Variants in ADSS1 observed in about 807,000 individuals in gnomAD.
The protein encoded by ADSS1 is adenylosuccinate synthase 1.
ADSS1 carries 57 observed loss-of-function variants against 59.1 expected under a neutral mutation model. The ratio of observed to expected loss-of-function variants is 0.97; its 90% confidence interval spans 0.78 to 1.20. The LOEUF (loss-of-function observed/expected upper bound fraction) is 1.20. ADSS1 is among the 50% of genes most tolerant of loss of function. The probability of loss-of-function intolerance (pLI) is 0.00; values close to 1 mark genes in which losing one functional copy is unlikely to be tolerated. For synonymous variants in ADSS1, 247 were observed against 249.4 expected (o/e 0.99, Z 0.09); for missense variants, 603 against 610.3 (o/e 0.99, Z 0.13).
intron 1 of ADSS1, among the ~76,000 whole-genome samples, chr14:104,728,458 C>G (rs1890783408): frequency 6.6e-6 from 1 of 152,176 alleles, no homozygotes; most frequent in Non-Finnish European, 1.5e-5. Flanking sequence ...CCTCACCCCA[C>G]TACCAAAAGG....
At chr14:104,742,923 G>A in intron 9 of ADSS1, 144 bp from the exon 10 acceptor site, 2 of 1,233,210 alleles carry the variant, frequency 1.6e-6, no homozygotes, top group Non-Finnish European at 2.3e-6. Context: ...GGATGTCCGG[G>A]AGCTGGATGT....
At chr14:104,729,042 G>T (rs1028172601) in intron 1 of ADSS1, among the ~76,000 whole-genome samples, 2 of 152,176 alleles carry the variant, frequency 1.3e-5, no homozygotes, top group African/African-American at 4.8e-5. Context: ...GAGCATGGGA[G>T]GTAGCGAGCC....
Position 104,740,894 on chromosome 14 carries a change from A to C in ADSS1, c.640A>C (p.Ile214Leu). 1 of 1,613,940 alleles carries C rather than the reference A, an allele frequency of 6.2e-7. No individual in the cohort carries two copies. Among genetic ancestry groups the C allele is most frequent in the Non-Finnish European group, 8.5e-7 (1 of 1,180,010 alleles). Residue 214 changes from isoleucine to leucine, a missense_variant, in exon 7 of 13, where the codon ATT (isoleucine) becomes CTT (leucine). Ile to Leu is a conservative substitution (Grantham distance 5, BLOSUM62 2). Coordinates refer to ENST00000330877, the MANE Select transcript of ADSS1 (RefSeq NM_152328.5). This position sits in a 1 kb window ranked among gnomAD's most constrained non-coding sequence, Gnocchi z 4.8. ...GATGTTCCCCACCCTGGAAATAGAC[A>C]TTGAAGGCCAACTCAAAAGGCTCAA... The part of the protein sequence containing the change: ...QSMFPTLEID[I>L]EGQLKRLKGF...
At chr14:104,732,171 C>T (rs1890955581) in intron 1 of ADSS1, among the ~76,000 whole-genome samples, 1 of 152,212 alleles carries the variant, frequency 6.6e-6, no homozygotes, top group South Asian at 2.1e-4. Context: ...CTGGTGGCTC[C>T]CATGGCAAGG....
At chr14:104,734,153 G>T (rs1404657161) in intron 1 of ADSS1, among the ~76,000 whole-genome samples, 4 of 152,214 alleles carry the variant, frequency 2.6e-5, no homozygotes, top group Non-Finnish European at 5.9e-5. Flanking sequence ...CTGCCTGCAC[G>T]TAGGGGAGCC....
chr14:104,745,329 G>A lies in ADSS1; in HGVS notation c.1171+420G>A, dbSNP rs188445817. On this transcript the variant is annotated intron_variant, in intron 11 of 12. Coordinates refer to ENST00000330877, the MANE Select transcript of ADSS1 (RefSeq NM_152328.5). ...ATGACTATTTCATCTGAGAAAATAC[G>A]CTTTGTGGCGAGATTTTTAAGACCT... 125 of 160,694 alleles carry A rather than the reference G, an allele frequency of 7.8e-4. 3 individuals are homozygous for A. Among genetic ancestry groups the A allele is most frequent in the Admixed American group, 5.9e-3 (97 of 16,414 alleles). 10.0% of individuals were successfully genotyped at this position (160,694 alleles called of 1,614,324 possible). A position where few individuals can be genotyped will look rare whatever the true frequency, so the allele number is the denominator to read the frequency against.
chr14:104,747,127 A>G lies in ADSS1; in HGVS notation c.*124A>G. On this transcript the variant is annotated 3_prime_UTR_variant, in exon 13 of 13. Coordinates refer to ENST00000330877, the MANE Select transcript of ADSS1 (RefSeq NM_152328.5). Reference sequence around the variant, plus strand: ...GGAAAACCATTTTCTGTACTTTTATATTTCTGTTCAACCTGTTGGTTTCTA... The same window carrying G: ...GGAAAACCATTTTCTGTACTTTTATGTTTCTGTTCAACCTGTTGGTTTCTA... 1 of 818,128 alleles carries G rather than the reference A, an allele frequency of 1.2e-6. No homozygotes were observed. The highest frequency in any genetic ancestry group is 1.9e-6 in the Non-Finnish European group (1 of 538,796). 50.7% of individuals were successfully genotyped at this position (818,128 alleles called of 1,614,324 possible). A position where few individuals can be genotyped will look rare whatever the true frequency, so the allele number is the denominator to read the frequency against.
In ADSS1 at chr14:104,740,458, C is replaced by T. The variant is rs376051645; in HGVS notation, c.477-143C>T. On this transcript the variant is annotated intron_variant, in intron 5 of 12. Transcript: ENST00000330877. The surrounding 1 kb of genome is among the most constrained non-coding windows in gnomAD (Gnocchi z 4.8). ...CCATGCTAGTGCGTACACCCACACA[C>T]GCACACACTCACAGCTCAGCCAGAC... The T allele has an allele frequency of 6.4e-5, 46 of 719,222 alleles. No homozygotes were observed. Among genetic ancestry groups the T allele is most frequent in the East Asian group, 1.3e-4 (5 of 39,076 alleles). The allele number at this position is 719,222 out of a possible 1,614,324, so 44.6% of individuals were successfully genotyped here.
chr14:104,739,823 C>T lies in ADSS1; in HGVS notation c.476+7C>T, dbSNP rs1327095039. The T allele has an allele frequency of 6.2e-7, 1 of 1,613,650 alleles. No homozygotes were observed. The highest frequency in any genetic ancestry group is 1.7e-5 in the Admixed American group (1 of 59,998). Reference sequence around the variant, plus strand: ...AGGCACAAGAGGGGAAGAAGTAAGTCTGCCGGGACACTCTCACCCTCGGGG... The same window carrying T: ...AGGCACAAGAGGGGAAGAAGTAAGTTTGCCGGGACACTCTCACCCTCGGGG... On this transcript the variant is annotated splice_region_variant and intron_variant, in intron 5 of 12. Transcript: ENST00000330877.
intron 11 of ADSS1, chr14:104,745,125 G>A: frequency 3.8e-6 from 2 of 523,120 alleles, no homozygotes; most frequent in Non-Finnish European, 6.9e-6. Flanking sequence ...AGGGGTGGCT[G>A]TAGGCCCCTT....
At chr14:104,743,503 A>T (rs1209269530) in intron 10 of ADSS1, 1 of 303,738 alleles carries the variant, frequency 3.3e-6, no homozygotes, top group East Asian at 7.1e-5. Flanking sequence ...GGACGAAAGG[A>T]TGCACTGTCA....
At chr14:104,735,970 C>T (rs1891104745) in intron 2 of ADSS1, among the ~76,000 whole-genome samples, 1 of 152,256 alleles carries the variant, frequency 6.6e-6, no homozygotes, top group East Asian at 1.9e-4. Context: ...TATCTGACCC[C>T]TTCCCAGCCC....
Position 104,741,217 on chromosome 14 carries a change from A to T in ADSS1, c.767A>T (p.Asn256Ile). ...AAGAAGATCCTGGTGGAGGGTGCCAACGCCGCCCTCCTCGACATTGACTTC... is the reference window on the plus strand; with the variant it reads ...AAGAAGATCCTGGTGGAGGGTGCCATCGCCGCCCTCCTCGACATTGACTTC... ...PPKKILVEGA[N>I]AALLDIDFGT... The change falls in exon 8 of 13, where the codon AAC becomes ATC. Residue 256 changes from asparagine to isoleucine, a missense_variant. Asn to Ile is a moderately radical substitution (Grantham distance 149). Transcript: ENST00000330877. 6.2e-7 allele frequency: 1 copy of T among 1,605,440 alleles called. No individual in the cohort carries two copies. The highest frequency in any genetic ancestry group is 8.5e-7 in the Non-Finnish European group (1 of 1,176,524).
intron 1 of ADSS1, chr14:104,730,186 C>T (rs772809404): frequency 8.5e-6 from 13 of 1,526,774 alleles, no homozygotes; most frequent in African/African-American, 1.4e-5. Context: ...CTGCAGGAGC[C>T]GGATCCTTAA....
At chr14:104,736,554 C>T (rs998256059) in intron 2 of ADSS1, among the ~76,000 whole-genome samples, 1 of 152,170 alleles carries the variant, frequency 6.6e-6, no homozygotes, top group African/African-American at 2.4e-5. Context: ...GGGTCACTCT[C>T]GTCTGGACTG....
At chr14:104,741,795 G>A in intron 8 of ADSS1, 53 bp from the exon 9 acceptor site, 1 of 1,599,830 alleles carries the variant, frequency 6.3e-7, no homozygotes, top group Non-Finnish European at 8.5e-7. Context: ...GGGCCGGGTG[G>A]AATAATCTAC....
chr14:104,724,293 A>G lies in ADSS1; in HGVS notation c.23A>G (p.Asn8Ser). 3.2e-6 allele frequency: 4 copies of G among 1,231,982 alleles called. No individual in the cohort carries two copies. The highest frequency in any genetic ancestry group is 3.0e-6 in the Non-Finnish European group (3 of 986,138). 76.3% of individuals were successfully genotyped at this position (1,231,982 alleles called of 1,614,324 possible). MSGTRAS[N>S]DRPPGAGGVK... ...AGCATGTCGGGGACCCGAGCCTCCA[A>G]CGACCGGCCCCCCGGCGCAGGCGGC... The change falls in exon 1 of 13, where the codon AAC (asparagine) becomes AGC (serine). Residue 8 changes from asparagine (N) to serine (S), a missense_variant. Asn to Ser is a conservative substitution (Grantham distance 46). Transcript: ENST00000330877.
At chr14:104,729,386 G>A (rs1473344520) in intron 1 of ADSS1, among the ~76,000 whole-genome samples, 1 of 152,216 alleles carries the variant, frequency 6.6e-6, no homozygotes. Context: ...TCAGTGCAGG[G>A]GCAGGGCATG....
At chr14:104,736,399 G>A (rs1276461942) in intron 2 of ADSS1, among the ~76,000 whole-genome samples, 1 of 152,264 alleles carries the variant, frequency 6.6e-6, no homozygotes, top group Non-Finnish European at 1.5e-5. Context: ...GGCCAAAGAG[G>A]CACCGCTTAG....
Sources: allele counts gnomAD v4.1 joint callset (sites outside exome capture counted in the v4.1 genomes callset), GRCh38; gene constraint gnomAD v4.1.1; non-coding constraint Gnocchi (gnomAD v3.1); transcripts MANE v1.5; gene names NCBI Gene and HGNC (gene_info 2026-07-23, HGNC 2026-07-21).